The following RPL5 variants were observed in gnomAD, a reference collection of about 807,000 sequenced individuals.
The protein encoded by RPL5 is ribosomal protein L5.
In RPL5, 1 loss-of-function variant was observed where a neutral mutation model predicts 38.4. The observed-to-expected ratio is 0.03, with a 90% confidence interval of 0.01 to 0.12. RPL5 has a LOEUF of 0.12. Among genes scored for constraint, RPL5 ranks in the 10% least tolerant of loss-of-function variants. The probability of loss-of-function intolerance (pLI) is 1.00; values close to 1 mark genes in which losing one functional copy is unlikely to be tolerated. For missense variants in RPL5, 243 were observed against 374.1 expected, an observed-to-expected ratio of 0.65 and a Z score of 2.89; for synonymous variants, 109 against 121.2, an observed-to-expected ratio of 0.90 and a Z score of 0.66.
At chr1:92,839,770 A>G (rs1402851129) in intron 6 of RPL5, among the ~76,000 whole-genome samples, 2 of 152,192 alleles carry the variant, frequency 1.3e-5, no homozygotes, top group African/African-American at 4.8e-5. Flanking sequence ...TGCAGACAAA[A>G]ATTTGATTTA....
At position 92,834,847 on chromosome 1, in the gene RPL5, T is replaced by C. The variant is rs113792800; in HGVS notation, c.258T>C (p.Tyr86=). ...CGTATGCACACGAACTGCCAAAATA[T>C]GGTGTGAAGGTTGGCCTGACAAATT... is the stretch of plus-strand genomic sequence containing the variant. ...CAAYAHELPK[Y]GVKVGLTNYA... Residue 86 remains tyrosine (Y), a synonymous_variant, in exon 4 of 8, where the codon TAT becomes TAC. Coordinates refer to ENST00000370321, the MANE Select transcript of RPL5 (RefSeq NM_000969.5). The C allele has an allele frequency of 2.5e-3, 4,033 of 1,609,238 alleles. 63 individuals carry two copies. The highest frequency in any genetic ancestry group is 0.024 in the South Asian group (2,160 of 91,082).
chr1:92,834,957 GCTT>G, intron 4 of RPL5, 44 bp downstream of exon 4: 1 of 1,599,542 alleles, frequency 6.3e-7, no homozygotes, highest in Non-Finnish European at 8.5e-7. Flanking sequence ...GTGGCTGATT[GCTT>G]GGAGAGTTTT....
chr1:92,839,837 T>G (rs1279155138), intron 6 of RPL5, among the ~76,000 whole-genome samples: 1 of 152,002 alleles, frequency 6.6e-6, no homozygotes. Context: ...TTTTTCTTTT[T>G]GTTTTCTTAC....
chr1:92,841,701 TTTAAA>T, intron 7 of RPL5, 60 bp from the exon 8 acceptor site: 9 of 1,021,656 alleles, frequency 8.8e-6, no homozygotes, highest in South Asian at 4.0e-5. Context: ...TTATTAAAAT[TTTAAA>T]TTAAATATTC....
chr1:92,832,914 A>G (rs1686965597), intron 1 of RPL5: 2 of 675,696 alleles, frequency 3.0e-6, no homozygotes, highest in African/African-American at 1.8e-5. Flanking sequence ...CGTAGTTGTT[A>G]TTTGAGGCTA....
At chr1:92,834,435 A>G (rs1004370643) in intron 3 of RPL5, among the ~76,000 whole-genome samples, 1 of 152,164 alleles carries the variant, frequency 6.6e-6, no homozygotes, top group Admixed American at 6.5e-5. Flanking sequence ...AGATTTATTG[A>G]TATTTTGCAG....
At chr1:92,837,384 T>C (rs1398703443) in intron 5 of RPL5, 72 bp from the exon 6 acceptor site, 1 of 1,299,316 alleles carries the variant, frequency 7.7e-7, no homozygotes, top group African/African-American at 1.5e-5. Flanking sequence ...TGATGGCAGC[T>C]ACTAAAGTAA....
Position 92,832,049 on chromosome 1 carries a change from AC to A in RPL5, c.-61del. The A allele has an allele frequency of 6.2e-7, 1 of 1,608,820 alleles. No individual in the cohort carries two copies. The highest frequency in any genetic ancestry group is 1.3e-5 in the African/African-American group (1 of 74,860). Reference sequence around the variant, plus strand: ...GCGCAAGGGCTGTGGCCCTTTTCCCACCCCCTAGCGCCGCTGGGCCTGCAGG... The same window carrying A: ...GCGCAAGGGCTGTGGCCCTTTTCCCACCCCTAGCGCCGCTGGGCCTGCAGG... On this transcript the variant is annotated 5_prime_UTR_variant, in exon 1 of 8. Transcript: ENST00000370321.
At chr1:92,839,912 C>G (rs982859979) in intron 6 of RPL5, among the ~76,000 whole-genome samples, 3 of 151,498 alleles carry the variant, frequency 2.0e-5, no homozygotes, top group Non-Finnish European at 4.4e-5. Context: ...ACAATTATAG[C>G]TCATTGCAAC....
At chr1:92,833,293 T>G (rs1013654956) in intron 1 of RPL5, 96 bp from the exon 2 acceptor site, 1 of 1,008,704 alleles carries the variant, frequency 9.9e-7, no homozygotes, top group African/African-American at 1.6e-5. Context: ...TGTTTACTCT[T>G]GAAGTTCAAG....
intron 7 of RPL5, among the ~76,000 whole-genome samples, chr1:92,841,374 T>C (rs1687356943): frequency 6.6e-6 from 1 of 152,250 alleles, no homozygotes; most frequent in African/African-American, 2.4e-5. Flanking sequence ...GACTGGGTAA[T>C]AATCCATTAT....
intron 3 of RPL5, among the ~76,000 whole-genome samples, chr1:92,834,432 T>C (rs886741943): frequency 6.6e-6 from 1 of 152,226 alleles, no homozygotes; most frequent in African/African-American, 2.4e-5. Context: ...TTAAGATTTA[T>C]TGATATTTTG....
chr1:92,841,744 T>A (rs547082637), intron 7 of RPL5, 22 bp from the exon 8 acceptor site: 20 of 1,515,104 alleles, frequency 1.3e-5, no homozygotes, highest in Admixed American at 6.7e-5. Flanking sequence ...GTTTAAAAAA[T>A]ATATATTCCT....
intron 4 of RPL5, 174 bp downstream of exon 4, chr1:92,835,087 T>G (rs1454183556): frequency 2.2e-6 from 2 of 896,894 alleles, no homozygotes; most frequent in Non-Finnish European, 3.4e-6. Context: ...CAATAAAATT[T>G]TCTGCAATGA....
intron 3 of RPL5, 73 bp from the exon 4 acceptor site, chr1:92,834,706 C>T (rs1687047390): frequency 6.3e-7 from 1 of 1,590,210 alleles, no homozygotes; most frequent in Non-Finnish European, 8.6e-7. Context: ...TTTTTATTCC[C>T]TTGAAAAATA....
Position 92,832,834 on chromosome 1 carries a change from T to C in RPL5, c.4-555T>C, listed in dbSNP as rs1487678154. 4 of 600,892 alleles carry C rather than the reference T, an allele frequency of 6.7e-6. No individual in the cohort carries two copies. The African/African-American group carries it at 7.4e-5, about 11-fold the overall frequency. The allele number at this position is 600,892 out of a possible 1,614,324, so 37.2% of individuals were successfully genotyped here. On this transcript the variant is annotated intron_variant, in intron 1 of 7. Coordinates refer to ENST00000370321, the MANE Select transcript of RPL5 (RefSeq NM_000969.5). ...GGGGGAATTACTGCTGAATGTGCTC[T>C]TGCCCAGTTAAGCTTTGTGGCAGGT...
chr1:92,839,271 A>C (rs892785561), intron 6 of RPL5, among the ~76,000 whole-genome samples: 22 of 152,150 alleles, frequency 1.4e-4, no homozygotes, highest in African/African-American at 5.1e-4. Flanking sequence ...AGGCAGAAGA[A>C]TTGCTTGAAC....
chr1:92,832,248 C>T (rs759157675), intron 1 of RPL5, 131 bp downstream of exon 1: 44 of 1,430,210 alleles, frequency 3.1e-5, no homozygotes, highest in Admixed American at 2.9e-4. Flanking sequence ...CTGACTTGGT[C>T]GAGGTGCAGT....
chr1:92,837,704 C>A, intron 6 of RPL5, 71 bp downstream of exon 6: 1 of 1,288,116 alleles, frequency 7.8e-7, no homozygotes, highest in Non-Finnish European at 1.1e-6. Flanking sequence ...GTTTTGGGGG[C>A]AGGTAACATT....
Sources: gnomAD v4.1 joint callset for allele counts (sites outside exome capture counted in the v4.1 genomes callset) on GRCh38, gnomAD v4.1.1 for gene constraint, MANE v1.5 for transcripts, NCBI Gene and HGNC (gene_info 2026-07-23, HGNC 2026-07-21) for gene names.